The following GALNT18 variants were observed in gnomAD, a reference collection of about 807,000 sequenced individuals.
GALNT18 encodes the protein polypeptide N-acetylgalactosaminyltransferase 18.
A neutral mutation model predicts 69.5 loss-of-function variants in GALNT18; 44 were observed. That is an observed-to-expected ratio of 0.63 (90% CI 0.50 to 0.81). The LOEUF is 0.81. Among genes scored for constraint, GALNT18 ranks in the 40% least tolerant of loss-of-function variants. GALNT18 has a pLI of 0.00. For missense variants in GALNT18, 715 were observed against 810.0 expected, an observed-to-expected ratio of 0.88 and a Z score of 1.42; for synonymous variants, 364 against 318.2, an observed-to-expected ratio of 1.14 and a Z score of -1.53.
intron 10 of GALNT18, among the ~76,000 whole-genome samples, chr11:11,284,040 C>T (rs1283819499): frequency 6.6e-6 from 1 of 152,266 alleles, no homozygotes; most frequent in Admixed American, 6.5e-5. Context: ...GCCTTGGCCA[C>T]GTCACCTCAG....
intron 1 of GALNT18, among the ~76,000 whole-genome samples, chr11:11,597,817 C>T (rs535417237): frequency 6.6e-6 from 1 of 151,900 alleles, no homozygotes; most frequent in Non-Finnish European, 1.5e-5. Flanking sequence ...CCTGCCACCA[C>T]GCCCGGCTAA....
At chr11:11,328,630 T>C (rs1304324556) in intron 8 of GALNT18, among the ~76,000 whole-genome samples, 5 of 152,194 alleles carry the variant, frequency 3.3e-5, no homozygotes, top group African/African-American at 1.2e-4. Flanking sequence ...AATCCCAAAC[T>C]TGCAGTTCAG....
intron 1 of GALNT18, among the ~76,000 whole-genome samples, chr11:11,473,658 G>C (rs1047005249): frequency 7.3e-6 from 1 of 137,418 alleles, no homozygotes; most frequent in Admixed American, 7.2e-5. Flanking sequence ...AAGCCAAAGT[G>C]TGTATGCACA....
At chr11:11,485,668 G>A (rs900932669) in intron 1 of GALNT18, among the ~76,000 whole-genome samples, 1 of 152,122 alleles carries the variant, frequency 6.6e-6, no homozygotes, top group Non-Finnish European at 1.5e-5. Flanking sequence ...CCAGGACCAG[G>A]GCACCAACTG....
chr11:11,286,596 A>G (rs1849199847), intron 10 of GALNT18, among the ~76,000 whole-genome samples: 2 of 152,134 alleles, frequency 1.3e-5, no homozygotes, highest in South Asian at 4.2e-4. Flanking sequence ...GACCTTGCAC[A>G]CAGGGGGGAC....
chr11:11,374,552 A>G (rs1053395751), intron 5 of GALNT18, among the ~76,000 whole-genome samples: 1 of 152,212 alleles, frequency 6.6e-6, no homozygotes. Context: ...CAGGACACAC[A>G]GGAAGGGACC....
intron 3 of GALNT18, among the ~76,000 whole-genome samples, chr11:11,380,476 T>C (rs1853884762): frequency 6.6e-6 from 1 of 152,240 alleles, no homozygotes; most frequent in Non-Finnish European, 1.5e-5. Context: ...ACTTCTAAAG[T>C]AAACTGGGCT....
intron 3 of GALNT18, among the ~76,000 whole-genome samples, chr11:11,410,726 G>A (rs1250379789): frequency 6.6e-6 from 1 of 152,182 alleles, no homozygotes; most frequent in African/African-American, 2.4e-5. Context: ...GTTGAACGAT[G>A]GCTGTCTAAT....
At chr11:11,425,063 C>T (rs1040976436) in intron 3 of GALNT18, among the ~76,000 whole-genome samples, 1 of 152,198 alleles carries the variant, frequency 6.6e-6, no homozygotes, top group African/African-American at 2.4e-5. Context: ...CAGGTTTCTG[C>T]CCAATGTAGG....
chr11:11,326,034 T>A (rs1160387046), intron 9 of GALNT18, among the ~76,000 whole-genome samples: 2 of 145,702 alleles, frequency 1.4e-5, no homozygotes, highest in Non-Finnish European at 3.0e-5. Context: ...TCTTACATGC[T>A]AAATATCTTT....
At chr11:11,344,542 G>A (rs1254825188) in intron 6 of GALNT18, among the ~76,000 whole-genome samples, 2 of 152,222 alleles carry the variant, frequency 1.3e-5, no homozygotes, top group Admixed American at 6.5e-5. Flanking sequence ...TGGGTTCCAG[G>A]GGAGGTGGGG....
intron 3 of GALNT18, among the ~76,000 whole-genome samples, chr11:11,417,659 C>T (rs1854897495): frequency 6.6e-6 from 1 of 152,196 alleles, no homozygotes; most frequent in Non-Finnish European, 1.5e-5. Flanking sequence ...CACCAGTTTC[C>T]ACCACTCCTT....
In GALNT18 at chr11:11,584,945, G is replaced by A. The variant is rs903265031; in HGVS notation, c.235+36414C>T. On this transcript the variant is annotated intron_variant, in intron 1 of 10. Transcript: ENST00000227756. The surrounding 1 kb of genome is among the most constrained non-coding windows in gnomAD (Gnocchi z 4.1). The stretch of plus-strand genomic sequence containing the variant: ...CTTTTAAGGAAAATTTATAATTATG[G>A]AAAACTTGCCTCCACCACTATGAGC... Among the ~76,000 whole-genome samples the A allele has an allele frequency of 3.9e-5, 6 of 152,046 alleles. No individual in the cohort carries two copies. Among genetic ancestry groups the A allele is most frequent in the South Asian group, 4.1e-4 (2 of 4,826 alleles).
chr11:11,553,375 C>T (rs768131014), intron 1 of GALNT18, among the ~76,000 whole-genome samples: 3 of 152,202 alleles, frequency 2.0e-5, no homozygotes, highest in East Asian at 1.9e-4. Flanking sequence ...GGGCCAGCCA[C>T]GACTGGAACC....
chr11:11,305,161 G>A (rs1849558624), intron 9 of GALNT18, among the ~76,000 whole-genome samples: 1 of 130,004 alleles, frequency 7.7e-6, no homozygotes, highest in Admixed American at 9.1e-5. Context: ...ACCTTGGTAA[G>A]ATACAAATAT....
chr11:11,474,518 C>T (rs554163516), intron 1 of GALNT18, among the ~76,000 whole-genome samples: 1 of 152,118 alleles, frequency 6.6e-6, no homozygotes, highest in Non-Finnish European at 1.5e-5. Context: ...ATTGAAAGTT[C>T]AAAAGAATGA....
At chr11:11,437,121 C>T (rs1564948994) in intron 2 of GALNT18, among the ~76,000 whole-genome samples, 1 of 152,192 alleles carries the variant, frequency 6.6e-6, no homozygotes, top group Non-Finnish European at 1.5e-5. Flanking sequence ...CTGCTCACCT[C>T]TGCAGAGAAG....
intron 1 of GALNT18, among the ~76,000 whole-genome samples, chr11:11,455,430 G>T (rs959140497): frequency 1.3e-5 from 2 of 152,086 alleles, no homozygotes; most frequent in Non-Finnish European, 2.9e-5. Context: ...ATGGGGCAGA[G>T]GGAAGGCTTC....
intron 3 of GALNT18, among the ~76,000 whole-genome samples, chr11:11,391,402 G>A (rs886499035): frequency 6.6e-6 from 1 of 152,222 alleles, no homozygotes; most frequent in African/African-American, 2.4e-5. Context: ...AAGTGGTAGA[G>A]TCCACATTCT....
Sources: gnomAD v4.1 joint callset for allele counts (sites outside exome capture counted in the v4.1 genomes callset) on GRCh38, gnomAD v4.1.1 for gene constraint, Gnocchi (gnomAD v3.1) non-coding constraint, MANE v1.5 for transcripts, NCBI Gene and HGNC (gene_info 2026-07-23, HGNC 2026-07-21) for gene names.